Variants in DARS1 observed in about 807,000 individuals in gnomAD.
The protein encoded by DARS1 is aspartyl-tRNA synthetase 1, also known as aspartate--tRNA ligase, cytoplasmic.
DARS1 carries 51 observed loss-of-function variants against 68.8 expected under a neutral mutation model. The observed-to-expected ratio is 0.74, with a 90% CI of 0.59 to 0.94. The LOEUF is 0.94. DARS1 is among the 40% of genes least tolerant of loss of function. DARS1 has a pLI of 0.00. For missense variants in DARS1, 607 were observed against 597.3 expected (o/e 1.02, Z -0.17); for synonymous variants, 203 against 190.4 (o/e 1.07, Z -0.55).
intron 8 of DARS1, 104 bp from the exon 9 acceptor site, chr2:135,923,022 A>T: frequency 4.0e-6 from 5 of 1,239,394 alleles, no homozygotes; most frequent in Non-Finnish European, 5.1e-6. Flanking sequence ...ACTTTAACAA[A>T]AACTGGAAAA....
chr2:135,926,308 T>C (rs1313716736), intron 7 of DARS1, among the ~76,000 whole-genome samples: 1 of 152,224 alleles, frequency 6.6e-6, no homozygotes, highest in Non-Finnish European at 1.5e-5. Context: ...ACTTCTTCAC[T>C]TCCTGATTGT....
chr2:135,945,472 T>A (rs1195352194), intron 4 of DARS1, among the ~76,000 whole-genome samples: 2 of 152,144 alleles, frequency 1.3e-5, no homozygotes, highest in African/African-American at 4.8e-5. Flanking sequence ...CTAGTATCCT[T>A]CTAGAAAGAA....
At chr2:135,937,555 ATCGTTAGTTGATGCAGTT>A (rs995687642) in intron 5 of DARS1, among the ~76,000 whole-genome samples, 92 of 152,180 alleles carry the variant, frequency 6.0e-4, no homozygotes, top group African/African-American at 2.1e-3. Context: ...AAAGTACATC[ATCGTTAGTTGATGCAGTT>A]TCTTCCTAGC....
intron 3 of DARS1, among the ~76,000 whole-genome samples, chr2:135,973,102 T>C (rs1352573054): frequency 6.6e-6 from 1 of 152,150 alleles, no homozygotes; most frequent in African/African-American, 2.4e-5. Flanking sequence ...AATCAGTGTA[T>C]CGAAGAGATA....
At chr2:135,958,068 T>C (rs946958736) in intron 4 of DARS1, among the ~76,000 whole-genome samples, 7 of 152,174 alleles carry the variant, frequency 4.6e-5, no homozygotes, top group African/African-American at 1.7e-4. Context: ...ACCTAAAACA[T>C]TAACTTTGAG....
intron 2 of DARS1, 114 bp from the exon 3 acceptor site, chr2:135,979,480 T>G (rs932804148): frequency 7.9e-6 from 5 of 635,912 alleles, no homozygotes; most frequent in Non-Finnish European, 8.3e-6. Context: ...CCATCCTGAA[T>G]AATTCTCAAT....
At chr2:135,936,040 C>T (rs1681465673) in intron 5 of DARS1, among the ~76,000 whole-genome samples, 2 of 152,148 alleles carry the variant, frequency 1.3e-5, no homozygotes, top group East Asian at 3.9e-4. Context: ...GCTACTTCTA[C>T]TTTTATAACT....
intron 3 of DARS1, among the ~76,000 whole-genome samples, chr2:135,964,190 T>C (rs192167691): frequency 1.3e-5 from 2 of 152,294 alleles, no homozygotes; most frequent in African/African-American, 4.8e-5. Flanking sequence ...ATTTTGTTTG[T>C]GTAAGAAGTA....
At chr2:135,937,742 A>T (rs140172309) in intron 5 of DARS1, among the ~76,000 whole-genome samples, 1 of 152,072 alleles carries the variant, frequency 6.6e-6, no homozygotes, top group Non-Finnish European at 1.5e-5. Flanking sequence ...TTTCTCCTTC[A>T]CTTATGAAGC....
At chr2:135,954,834 C>T (rs546101703) in intron 4 of DARS1, among the ~76,000 whole-genome samples, 2 of 152,228 alleles carry the variant, frequency 1.3e-5, no homozygotes, top group Non-Finnish European at 2.9e-5. Flanking sequence ...TCATTATTCA[C>T]ATAATCTATC....
At chr2:135,985,667 G>T, upstream of DARS1, 1 of 1,375,476 alleles carries the variant, frequency 7.3e-7, no homozygotes, top group East Asian at 2.6e-5. Context: ...GAGCGCTGGC[G>T]GCCGCGCGCA....
intron 1 of DARS1, among the ~76,000 whole-genome samples, chr2:135,983,740 A>G (rs1328050806): frequency 1.3e-5 from 2 of 152,374 alleles, no homozygotes; most frequent in East Asian, 3.9e-4. Context: ...ACACATATGT[A>G]CAACACATCT....
chr2:135,920,754 A>G (rs1413086164), intron 9 of DARS1, among the ~76,000 whole-genome samples, 154 bp from the exon 10 acceptor site: 2 of 152,152 alleles, frequency 1.3e-5, no homozygotes, highest in Non-Finnish European at 2.9e-5. Flanking sequence ...CTGTTTGAGC[A>G]TTATCTTGGA....
chr2:135,982,283 A>T (rs903168294), intron 2 of DARS1, among the ~76,000 whole-genome samples: 10 of 152,268 alleles, frequency 6.6e-5, no homozygotes, highest in Non-Finnish European at 1.3e-4. Context: ...GAGAAACAAC[A>T]TGAGTCAGGT....
intron 9 of DARS1, among the ~76,000 whole-genome samples, chr2:135,921,111 C>T (rs966757267): frequency 2.7e-5 from 4 of 149,804 alleles, no homozygotes; most frequent in African/African-American, 9.8e-5. Flanking sequence ...TAGCTCAGTC[C>T]AGCTAATATC....
In DARS1 at chr2:135,924,423, C is replaced by T. The variant is rs1336949622; in HGVS notation, c.640G>A (p.Gly214Ser). 1 of 1,605,566 alleles carries T rather than the reference C, an allele frequency of 6.2e-7. No individual in the cohort carries two copies. Among genetic ancestry groups the T allele is most frequent in the Non-Finnish European group, 8.5e-7 (1 of 1,177,756 alleles). ...HLFRETLINK[G>S]FVEIQTPKII... Reference sequence around the variant, plus strand: ...TTAGGAGTTTGGATTTCCACAAAACCTTTGTTAATTAAAGTTTCTCGGAAG... The same window carrying T: ...TTAGGAGTTTGGATTTCCACAAAACTTTTGTTAATTAAAGTTTCTCGGAAG... The change falls in exon 8 of 16, where the codon GGT becomes AGT. Residue 214 changes from glycine (G) to serine (S), a missense_variant. Coordinates refer to ENST00000264161, the MANE Select transcript of DARS1 (RefSeq NM_001349.4).
intron 7 of DARS1, 35 bp downstream of exon 7, chr2:135,932,748 A>G: frequency 1.0e-6 from 1 of 953,816 alleles, no homozygotes; most frequent in East Asian, 2.4e-5. Context: ...CTAATGCGGC[A>G]TAATTGCTTC....
At chr2:135,936,758 A>G (rs886740327) in intron 5 of DARS1, among the ~76,000 whole-genome samples, 1 of 152,198 alleles carries the variant, frequency 6.6e-6, no homozygotes, top group Non-Finnish European at 1.5e-5. Flanking sequence ...GTCATTTGTC[A>G]AATTAGGTCA....
intron 9 of DARS1, among the ~76,000 whole-genome samples, chr2:135,922,383 A>C (rs1681123802): frequency 6.6e-6 from 1 of 152,194 alleles, no homozygotes; most frequent in Non-Finnish European, 1.5e-5. Context: ...AATGGGAGCT[A>C]ATTCTGTTCT....
Sources: allele counts gnomAD v4.1 joint callset (sites outside exome capture counted in the v4.1 genomes callset), GRCh38; gene constraint gnomAD v4.1.1; transcripts MANE v1.5; gene names NCBI Gene and HGNC (gene_info 2026-07-23, HGNC 2026-07-21).